The following PDE7B variants were observed in gnomAD, a reference collection of about 807,000 sequenced individuals.
The protein encoded by PDE7B is phosphodiesterase 7B.
PDE7B carries 29 observed loss-of-function variants against 56.2 expected under a neutral mutation model. That is an observed-to-expected ratio of 0.52 (90% confidence interval 0.38 to 0.70). The LOEUF (loss-of-function observed/expected upper bound fraction) is 0.70, where lower values mean the gene tolerates loss of function less well. Ranked by LOEUF, PDE7B falls within the 30% of genes least tolerant of loss-of-function variation. The probability of loss-of-function intolerance (pLI) is 0.00; values close to 1 mark genes in which losing one functional copy is unlikely to be tolerated. For synonymous variants in PDE7B, 197 were observed against 196.9 expected (o/e 1.00, Z 0.00); for missense variants, 490 against 565.0 (o/e 0.87, Z 1.35).
chr6:136,062,266 CATG>C (rs1040527236), intron 2 of PDE7B, among the ~76,000 whole-genome samples: 48 of 152,194 alleles, frequency 3.2e-4, no homozygotes, highest in African/African-American at 1.0e-3. Flanking sequence ...AAGTAGACAA[CATG>C]ATGTTTTAAT....
chr6:135,885,076 C>T lies in PDE7B; in HGVS notation c.21+33057C>T, dbSNP rs530783395. Among the ~76,000 whole-genome samples the T allele has an allele frequency of 5.9e-5, 9 of 152,208 alleles. No individual in the cohort carries two copies. The South Asian group carries it at 1.9e-3, about 32-fold the overall frequency. ...ATTCAGGGTCTTCTGAAGCCCTGAT[C>T]CAACCCTCCACTCTCCTGGTTTTCT... is the stretch of plus-strand genomic sequence containing the variant. On this transcript the variant is annotated intron_variant, in intron 1 of 12. Coordinates refer to ENST00000308191, the MANE Select transcript of PDE7B (RefSeq NM_018945.4).
intron 2 of PDE7B, among the ~76,000 whole-genome samples, chr6:136,091,968 A>G (rs534367190): frequency 6.6e-6 from 1 of 152,264 alleles, no homozygotes; most frequent in East Asian, 1.9e-4. Flanking sequence ...ACAATTATAC[A>G]TATAGGAGTA....
intron 1 of PDE7B, among the ~76,000 whole-genome samples, chr6:135,864,542 TTC>T (rs1775214359): frequency 1.3e-5 from 2 of 152,268 alleles, no homozygotes; most frequent in African/African-American, 4.8e-5. Context: ...CTTTTATTGT[TTC>T]TGTTGATAAG....
intron 1 of PDE7B, among the ~76,000 whole-genome samples, chr6:135,913,473 TCACTCTTTA>T (rs1776245192): frequency 6.6e-6 from 1 of 152,180 alleles, no homozygotes; most frequent in Non-Finnish European, 1.5e-5. Context: ...ACTACTGCGG[TCACTCTTTA>T]GTGCATAACA....
At chr6:136,063,534 T>C (rs757790603) in intron 2 of PDE7B, among the ~76,000 whole-genome samples, 1 of 152,252 alleles carries the variant, frequency 6.6e-6, no homozygotes, top group Admixed American at 6.5e-5. Context: ...GCTTTCAGCA[T>C]GGCTTAAAGA....
chr6:136,094,318 T>C (rs142410302), intron 2 of PDE7B: 1 of 152,484 alleles, frequency 6.6e-6, no homozygotes, highest in Admixed American at 6.5e-5. Context: ...TTCTTCACAC[T>C]TGTTAACTCC....
intron 8 of PDE7B, among the ~76,000 whole-genome samples, chr6:136,167,992 T>C (rs1778822384): frequency 6.6e-6 from 1 of 152,138 alleles, no homozygotes; most frequent in Non-Finnish European, 1.5e-5. Flanking sequence ...CACATTTGCC[T>C]TTGCCTGGAA....
At chr6:136,087,643 T>C (rs1425985447) in intron 2 of PDE7B, among the ~76,000 whole-genome samples, 2 of 152,198 alleles carry the variant, frequency 1.3e-5, no homozygotes, top group East Asian at 3.9e-4. Context: ...TTCATCCTCC[T>C]ACTTTTCAGT....
intron 2 of PDE7B, chr6:136,037,932 A>T: frequency 2.5e-6 from 3 of 1,189,484 alleles, no homozygotes; most frequent in Non-Finnish European, 2.1e-6. Context: ...CCTGGGATTA[A>T]TTAAGTGCTG....
chr6:136,129,646 C>A (rs1209919213), intron 3 of PDE7B, among the ~76,000 whole-genome samples: 1 of 152,194 alleles, frequency 6.6e-6, no homozygotes, highest in Non-Finnish European at 1.5e-5. Flanking sequence ...GTGTCTGAGC[C>A]AAAGTAAACC....
chr6:136,177,994 CAT>C lies in PDE7B; in HGVS notation c.804-1001_804-1000del, dbSNP rs377731551. On this transcript the variant is annotated intron_variant, in intron 9 of 12. Transcript: ENST00000308191. ...ACACATCATGAAGGAATTTCAAAAA[CAT>C]AATGTTTAGCTAAAGAAGTCAGTCA... 9.9e-4 allele frequency among the ~76,000 whole-genome samples: 150 copies of C among 152,240 alleles called. 2 individuals are homozygous for C. The highest frequency in any genetic ancestry group is 3.3e-3 in the African/African-American group (137 of 41,538).
intron 3 of PDE7B, chr6:136,111,102 CTG>C (rs1440768650): frequency 6.6e-6 from 1 of 152,126 alleles, no homozygotes; most frequent in East Asian, 1.9e-4. Context: ...GTCTCTTACT[CTG>C]TAACATATTG....
chr6:136,007,887 G>A (rs541770295), intron 2 of PDE7B, among the ~76,000 whole-genome samples: 2 of 151,670 alleles, frequency 1.3e-5, no homozygotes, highest in East Asian at 3.9e-4. Context: ...TGACGTGCAG[G>A]TTAGTTACAT....
intron 11 of PDE7B, 126 bp downstream of exon 11, chr6:136,181,449 C>T (rs1394034862): frequency 3.0e-6 from 2 of 666,446 alleles, no homozygotes; most frequent in African/African-American, 1.8e-5. Context: ...TTATCCTAAC[C>T]TTTCTCTTTT....
intron 1 of PDE7B, among the ~76,000 whole-genome samples, chr6:135,893,888 C>A (rs1775852829): frequency 6.6e-6 from 1 of 152,130 alleles, no homozygotes; most frequent in Admixed American, 6.6e-5. Flanking sequence ...GTTTTGAAGT[C>A]TTTTAAAAAT....
At chr6:135,870,493 CTATT>C (rs1775356457) in intron 1 of PDE7B, among the ~76,000 whole-genome samples, 1 of 151,294 alleles carries the variant, frequency 6.6e-6, no homozygotes, top group Admixed American at 6.6e-5. Flanking sequence ...AGTACTACCC[CTATT>C]TATTTAGGTG....
chr6:136,132,476 A>G (rs1778134917), intron 3 of PDE7B, among the ~76,000 whole-genome samples: 1 of 152,182 alleles, frequency 6.6e-6, no homozygotes, highest in African/African-American at 2.4e-5. Flanking sequence ...TTACTTATCC[A>G]TTGCATGACT....
intron 2 of PDE7B, among the ~76,000 whole-genome samples, chr6:136,005,113 C>G (rs925516828): frequency 1.6e-4 from 24 of 152,232 alleles, no homozygotes; most frequent in Middle Eastern, 3.4e-3. Context: ...AAAGGATTCC[C>G]TATTTAATAA....
chr6:136,168,085 G>A (rs1280118871), intron 8 of PDE7B, among the ~76,000 whole-genome samples: 1 of 152,166 alleles, frequency 6.6e-6, no homozygotes, highest in Non-Finnish European at 1.5e-5. Context: ...AGAGAAAGAG[G>A]TGTTTGCAGA....
Sources: allele counts gnomAD v4.1 joint callset (sites outside exome capture counted in the v4.1 genomes callset), GRCh38; gene constraint gnomAD v4.1.1; transcripts MANE v1.5; gene names NCBI Gene and HGNC (gene_info 2026-07-23, HGNC 2026-07-21).